SPECC1: variants seen among roughly 807,000 people sequenced by gnomAD.
SPECC1 encodes sperm antigen with calponin homology and coiled-coil domains 1, also known as cytospin-B.
SPECC1 carries 62 observed loss-of-function variants against 104.1 expected under a neutral mutation model. The ratio of observed to expected loss-of-function variants is 0.60; its 90% CI spans 0.49 to 0.74. The LOEUF is 0.74. SPECC1 is among the 30% of genes least tolerant of loss of function. The pLI, the probability that SPECC1 is intolerant of heterozygous loss-of-function variation, is 0.00. For missense variants in SPECC1, 1,306 were observed against 1,310.5 expected (o/e 1.00, Z 0.05); for synonymous variants, 513 against 501.6 (o/e 1.02, Z -0.30).
At chr17:20,093,927 C>T (rs933127429) in intron 1 of SPECC1, among the ~76,000 whole-genome samples, 3 of 151,838 alleles carry the variant, frequency 2.0e-5, no homozygotes, top group African/African-American at 7.3e-5. Context: ...GACAGGGTCT[C>T]ACCATGTTGC....
intron 3 of SPECC1, among the ~76,000 whole-genome samples, chr17:20,197,500 G>A (rs1260607056): frequency 8.2e-6 from 1 of 122,098 alleles, no homozygotes; most frequent in Non-Finnish European, 1.8e-5. Flanking sequence ...GCTACAGCAC[G>A]GGACAGTCTC....
chr17:20,301,919 T>C (rs1241414690), intron 13 of SPECC1, among the ~76,000 whole-genome samples: 1 of 152,238 alleles, frequency 6.6e-6, no homozygotes, highest in Non-Finnish European at 1.5e-5. Flanking sequence ...TTGGTCAGGC[T>C]GGTCTCAAAC....
chr17:20,036,635 G>A (rs979542199), intron 1 of SPECC1, among the ~76,000 whole-genome samples: 2 of 152,086 alleles, frequency 1.3e-5, no homozygotes, highest in African/African-American at 4.8e-5. Flanking sequence ...TTGTGCAATA[G>A]GTATCTTGAA....
chr17:20,281,964 C>T (rs1457322380), intron 12 of SPECC1, among the ~76,000 whole-genome samples: 1 of 152,224 alleles, frequency 6.6e-6, no homozygotes, highest in Non-Finnish European at 1.5e-5. Context: ...CCTGCTGAGC[C>T]GCGGGGCTTC....
At chr17:20,104,535 G>A (rs1268518842) in intron 2 of SPECC1, among the ~76,000 whole-genome samples, 1 of 152,050 alleles carries the variant, frequency 6.6e-6, no homozygotes, top group South Asian at 2.1e-4. Context: ...CTGAGGTCAG[G>A]AGTTTGAGAC....
chr17:20,042,170 T>C (rs2045356377), intron 1 of SPECC1, among the ~76,000 whole-genome samples: 1 of 152,306 alleles, frequency 6.6e-6, no homozygotes, highest in Non-Finnish European at 1.5e-5. Flanking sequence ...GCTTGTTACT[T>C]CTAGATGGGG....
chr17:20,110,224 G>T (rs1301042195), intron 2 of SPECC1, among the ~76,000 whole-genome samples: 1 of 152,212 alleles, frequency 6.6e-6, no homozygotes, highest in Non-Finnish European at 1.5e-5. Context: ...ACAGTCATGG[G>T]AGATCATACT....
chr17:20,186,355 A>G (rs1191020413), intron 3 of SPECC1, among the ~76,000 whole-genome samples: 3 of 152,252 alleles, frequency 2.0e-5, no homozygotes, highest in African/African-American at 7.2e-5. Flanking sequence ...AATTTAAAAA[A>G]TATTGCTAAA....
At chr17:20,192,303 A>G (rs1029440776) in intron 3 of SPECC1, among the ~76,000 whole-genome samples, 6 of 151,872 alleles carry the variant, frequency 4.0e-5, no homozygotes, top group African/African-American at 1.5e-4. Flanking sequence ...AGTTTTGAGC[A>G]TTCTTTGTAT....
chr17:20,136,059 C>A (rs921677270), intron 3 of SPECC1, among the ~76,000 whole-genome samples: 1 of 152,124 alleles, frequency 6.6e-6, no homozygotes, highest in Admixed American at 6.5e-5. Context: ...GGCCTACACA[C>A]CCTGCTGTAG....
intron 1 of SPECC1, among the ~76,000 whole-genome samples, chr17:20,063,981 T>C (rs2046277951): frequency 6.6e-6 from 1 of 152,210 alleles, no homozygotes; most frequent in Admixed American, 6.5e-5. Context: ...TTTTCAGTTC[T>C]GTTTGGAGAC....
chr17:20,069,941 T>C (rs2046488421), intron 1 of SPECC1, among the ~76,000 whole-genome samples: 1 of 152,196 alleles, frequency 6.6e-6, no homozygotes, highest in East Asian at 1.9e-4. Context: ...AGCAATACAA[T>C]TGATTTTTGT....
chr17:20,203,279 TAAA>T (rs34012069), intron 3 of SPECC1, among the ~76,000 whole-genome samples: 110 of 138,492 alleles, frequency 7.9e-4, no homozygotes, highest in African/African-American at 2.0e-3. Flanking sequence ...TTTCAGTTTG[TAAA>T]AAAAAAAAAA....
intron 3 of SPECC1, among the ~76,000 whole-genome samples, chr17:20,174,959 C>T (rs1290999237): frequency 6.6e-6 from 1 of 152,082 alleles, no homozygotes; most frequent in Non-Finnish European, 1.5e-5. Context: ...CAAAAAAAAT[C>T]TTAACCTCCT....
At chr17:20,077,077 C>T in intron 1 of SPECC1, among the ~76,000 whole-genome samples, 1 of 152,000 alleles carries the variant, frequency 6.6e-6, no homozygotes, top group Admixed American at 6.6e-5. Flanking sequence ...GTTATTTTCC[C>T]CAGTCTATTG....
intron 2 of SPECC1, among the ~76,000 whole-genome samples, chr17:20,106,278 A>C (rs942054202): frequency 1.3e-5 from 2 of 152,212 alleles, no homozygotes; most frequent in African/African-American, 2.4e-5. Flanking sequence ...AAAGCTGCCA[A>C]CATTATAGAC....
chr17:20,298,314 A>G (rs759009001), intron 13 of SPECC1, among the ~76,000 whole-genome samples: 1 of 152,130 alleles, frequency 6.6e-6, no homozygotes, highest in Non-Finnish European at 1.5e-5. Context: ...AGCCTGGGCA[A>G]CAGAGCAAGA....
At chr17:20,239,007 A>G (rs1405457951) in intron 7 of SPECC1, 8 of 1,035,880 alleles carry the variant, frequency 7.7e-6, no homozygotes, top group Non-Finnish European at 8.1e-6. Flanking sequence ...TCAAGTAACT[A>G]GAATTTGAGG....
At chr17:20,036,405 C>G (rs935225137) in intron 1 of SPECC1, among the ~76,000 whole-genome samples, 4 of 152,176 alleles carry the variant, frequency 2.6e-5, no homozygotes, top group Non-Finnish European at 5.9e-5. Flanking sequence ...GCTGGGATTA[C>G]AGGTATGAGC....
Sources: gnomAD v4.1 joint callset for allele counts (sites outside exome capture counted in the v4.1 genomes callset) on GRCh38, gnomAD v4.1.1 for gene constraint, MANE v1.5 for transcripts, NCBI Gene and HGNC (gene_info 2026-07-23, HGNC 2026-07-21) for gene names.